The following CACNA1B variants were observed in gnomAD, a reference collection of about 807,000 sequenced individuals.
The protein encoded by CACNA1B is voltage-dependent N-type calcium channel subunit alpha-1B.
Under a neutral mutation model 247.2 loss-of-function variants are expected in CACNA1B, and 70 were observed. That is an observed-to-expected ratio of 0.28 (90% CI 0.23 to 0.35). The LOEUF (loss-of-function observed/expected upper bound fraction) is 0.35, where lower values mean the gene tolerates loss of function less well. Ranked by LOEUF, CACNA1B falls within the 10% of genes least tolerant of loss-of-function variation. The probability of loss-of-function intolerance (pLI) is 1.00; values close to 1 mark genes in which losing one functional copy is unlikely to be tolerated. For missense variants in CACNA1B, 2,367 were observed against 3,197.4 expected, an observed-to-expected ratio of 0.74 and a Z score of 6.26; for synonymous variants, 1,231 against 1,294.4, an observed-to-expected ratio of 0.95 and a Z score of 1.05.
chr9:137,999,929 C>T (rs564899627), intron 15 of CACNA1B, among the ~76,000 whole-genome samples: 2 of 152,112 alleles, frequency 1.3e-5, no homozygotes, highest in South Asian at 2.1e-4. Flanking sequence ...AGATAACAAG[C>T]ATGTTCATGA....
chr9:138,088,107 A>G (rs939791868), intron 36 of CACNA1B, among the ~76,000 whole-genome samples: 1 of 151,902 alleles, frequency 6.6e-6, no homozygotes, highest in African/African-American at 2.4e-5. Flanking sequence ...GGTGGCTCAC[A>G]CCTGTAATCC....
chr9:137,949,167 CTTGTGT>C (rs1564203343), intron 6 of CACNA1B, among the ~76,000 whole-genome samples: 22 of 111,036 alleles, frequency 2.0e-4, no homozygotes, highest in East Asian at 3.1e-4. Context: ...GGTGTGTGCG[CTTGTGT>C]GTCCAGTGTG....
At chr9:137,915,368 T>G (rs950693228) in intron 5 of CACNA1B, among the ~76,000 whole-genome samples, 13 of 152,190 alleles carry the variant, frequency 8.5e-5, no homozygotes, top group African/African-American at 2.9e-4. Flanking sequence ...GAGGTGATGG[T>G]GGCTGGGGCC....
intron 31 of CACNA1B, among the ~76,000 whole-genome samples, chr9:138,068,297 G>A (rs557024635): frequency 3.9e-5 from 6 of 152,264 alleles, no homozygotes; most frequent in Admixed American, 6.5e-5. Context: ...GTGATGTGCC[G>A]TTCGTAAAGC....
intron 3 of CACNA1B, among the ~76,000 whole-genome samples, chr9:137,901,614 A>G (rs930323287): frequency 6.6e-5 from 10 of 151,082 alleles, no homozygotes; most frequent in Admixed American, 4.6e-4. Flanking sequence ...CATTTTGCCA[A>G]TTTGTTTTCC....
chr9:137,975,755 C>A (rs1168521160), intron 11 of CACNA1B, among the ~76,000 whole-genome samples, 152 bp from the exon 12 acceptor site: 1 of 152,196 alleles, frequency 6.6e-6, no homozygotes, highest in African/African-American at 2.4e-5. Flanking sequence ...TCGTTCCTTT[C>A]CTAGGCTGAG....
At chr9:138,090,345 A>G (rs1376638909) in intron 36 of CACNA1B, among the ~76,000 whole-genome samples, 1 of 152,196 alleles carries the variant, frequency 6.6e-6, no homozygotes, top group East Asian at 1.9e-4. Context: ...GAAACTAGAT[A>G]TCCACATGCA....
chr9:138,108,364 A>C (rs1230984216), intron 39 of CACNA1B, among the ~76,000 whole-genome samples: 1 of 151,730 alleles, frequency 6.6e-6, no homozygotes, highest in Non-Finnish European at 1.5e-5. Flanking sequence ...ATATTAAATA[A>C]ATTAAGTTTA....
intron 6 of CACNA1B, among the ~76,000 whole-genome samples, chr9:137,934,623 G>C (rs1957643832): frequency 6.6e-6 from 1 of 152,304 alleles, no homozygotes; most frequent in South Asian, 2.1e-4. Flanking sequence ...ACAGCTGAGA[G>C]ACCCACAGAC....
intron 6 of CACNA1B, among the ~76,000 whole-genome samples, chr9:137,924,333 C>T (rs1957526697): frequency 1.3e-5 from 2 of 150,904 alleles, no homozygotes; most frequent in Non-Finnish European, 3.0e-5. Context: ...TCCTCCCTCC[C>T]TTCCTTCCTC....
intron 31 of CACNA1B, among the ~76,000 whole-genome samples, chr9:138,066,470 C>T (rs2133521943): frequency 6.6e-6 from 1 of 151,922 alleles, no homozygotes; most frequent in African/African-American, 2.4e-5. Flanking sequence ...GAGAGAGAGG[C>T]AGGGAGGCAG....
Position 138,102,448 on chromosome 9 carries a change from C to T in CACNA1B, c.5223-263C>T, listed in dbSNP as rs572580069. The stretch of plus-strand genomic sequence containing the variant: ...TGTTCATTAGCTCAGACGCCACCCC[C>T]GCCCACTGCCCCGCGTGGGGCTGGA... On this transcript the variant is annotated intron_variant, in intron 37 of 46. Transcript: ENST00000371372. The surrounding 1 kb of genome is among the most constrained non-coding windows in gnomAD (Gnocchi z 5.4). 6.6e-6 allele frequency among the ~76,000 whole-genome samples: 1 copy of T among 152,296 alleles called. No individual in the cohort carries two copies. Among genetic ancestry groups the T allele is most frequent in the South Asian group, 2.1e-4 (1 of 4,824 alleles).
chr9:137,940,267 G>T (rs1957718479), intron 6 of CACNA1B, among the ~76,000 whole-genome samples: 2 of 152,126 alleles, frequency 1.3e-5, no homozygotes, highest in East Asian at 1.9e-4. Flanking sequence ...AAATACAAAA[G>T]ATTTTTCAAG....
chr9:137,890,676 GCA>G (rs1957085774), intron 3 of CACNA1B: 1 of 150,196 alleles, frequency 6.7e-6, no homozygotes, highest in Admixed American at 6.7e-5. Flanking sequence ...ACGCAGGTGT[GCA>G]CAGAGTCCCC....
chr9:137,936,403 A>G (rs937680941), intron 6 of CACNA1B, among the ~76,000 whole-genome samples: 7 of 152,166 alleles, frequency 4.6e-5, no homozygotes, highest in African/African-American at 1.7e-4. Flanking sequence ...TGATGGGTAG[A>G]TTGCAAAAAT....
In CACNA1B at chr9:138,073,615, C is replaced by G. The variant is rs201059479; in HGVS notation, c.4791+11C>G. On this transcript the variant is annotated intron_variant, in intron 33 of 46. Coordinates refer to ENST00000371372, the MANE Select transcript of CACNA1B (RefSeq NM_000718.4). This position sits in a 1 kb window ranked among gnomAD's most constrained non-coding sequence, Gnocchi z 6.4. ...GTCCAGTCCTTCAAGGTGGGCCAGG[C>G]GGGGGGCCTCCATGCTTTCTGTCCC... 6.9e-7 allele frequency: 1 copy of G among 1,440,202 alleles called. No individual in the cohort carries two copies. The highest frequency in any genetic ancestry group is 9.8e-7 in the Non-Finnish European group (1 of 1,021,504). The allele number at this position is 1,440,202 out of a possible 1,614,324, so 89.2% of individuals were successfully genotyped here.
At position 137,880,649 on chromosome 9, in the gene CACNA1B, C is replaced by T. The variant is rs1466701234; in HGVS notation, c.390+1490C>T. On this transcript the variant is annotated intron_variant, in intron 2 of 46. Transcript: ENST00000371372. The surrounding 1 kb of genome is among the most constrained non-coding windows in gnomAD (Gnocchi z 4.8). ...TTGGGGAGGACACTTCTAGGAGTGG[C>T]GAGCTAACCTGTTGGGAAAACTGCA... 6.6e-6 allele frequency among the ~76,000 whole-genome samples: 1 copy of T among 152,130 alleles called. No individual in the cohort carries two copies. Among genetic ancestry groups the T allele is most frequent in the Non-Finnish European group, 1.5e-5 (1 of 68,002 alleles).
chr9:138,015,088 G>A (rs572850585), intron 18 of CACNA1B, among the ~76,000 whole-genome samples: 3 of 152,096 alleles, frequency 2.0e-5, no homozygotes, highest in Non-Finnish European at 4.4e-5. Context: ...TCTGCCTCAC[G>A]GTGGGTCTGG....
At chr9:138,097,150 A>AGTGT (rs1462524675) in intron 37 of CACNA1B, among the ~76,000 whole-genome samples, 1 of 151,838 alleles carries the variant, frequency 6.6e-6, no homozygotes, top group East Asian at 1.9e-4. Context: ...GGCTGCATAT[A>AGTGT]GTGTGGGTGC....
Sources: gnomAD v4.1 joint callset for allele counts (sites outside exome capture counted in the v4.1 genomes callset) on GRCh38, gnomAD v4.1.1 for gene constraint, Gnocchi (gnomAD v3.1) non-coding constraint, MANE v1.5 for transcripts, NCBI Gene and HGNC (gene_info 2026-07-23, HGNC 2026-07-21) for gene names.